CTNNA2: variants seen among roughly 807,000 people sequenced by gnomAD.
CTNNA2 encodes the protein catenin alpha 2.
Under a neutral mutation model 101.0 loss-of-function variants are expected in CTNNA2, and 42 were observed. The ratio of observed to expected loss-of-function variants is 0.42; its 90% CI spans 0.32 to 0.54. CTNNA2 has a LOEUF of 0.54. Among genes scored for constraint, CTNNA2 ranks in the 20% least tolerant of loss-of-function variants. The pLI is 0.14. For missense variants in CTNNA2, 871 were observed against 1,223.1 expected (o/e 0.71, Z 4.29); for synonymous variants, 450 against 456.4 (o/e 0.99, Z 0.18).
intron 4 of CTNNA2, among the ~76,000 whole-genome samples, chr2:79,400,693 G>A (rs1678281157): frequency 6.6e-6 from 1 of 151,866 alleles, no homozygotes; most frequent in African/African-American, 2.4e-5. Context: ...TATTCAGAGT[G>A]CCAGAATGAG....
chr2:79,343,327 A>G (rs1382134273), intron 3 of CTNNA2, among the ~76,000 whole-genome samples: 1 of 152,178 alleles, frequency 6.6e-6, no homozygotes, highest in Non-Finnish European at 1.5e-5. Flanking sequence ...CACAAATAGA[A>G]TATGTGTGGA....
At chr2:79,811,115 A>G (rs575147020) in intron 3 of CTNNA2, among the ~76,000 whole-genome samples, 2,864 of 151,202 alleles carry the variant, frequency 0.019, 83 homozygotes, top group African/African-American at 0.066. Flanking sequence ...TGACTTCCAC[A>G]ATGGTTGAAC....
intron 1 of CTNNA2, among the ~76,000 whole-genome samples, chr2:79,562,974 T>C (rs1452815690): frequency 6.6e-6 from 1 of 151,882 alleles, no homozygotes; most frequent in East Asian, 1.9e-4. Flanking sequence ...TTTTCTAAGA[T>C]AGGAATGTGA....
chr2:80,617,838 G>T (rs910980133), intron 17 of CTNNA2, among the ~76,000 whole-genome samples: 2 of 151,750 alleles, frequency 1.3e-5, no homozygotes, highest in Non-Finnish European at 2.9e-5. Flanking sequence ...CCCAAATTAA[G>T]ATTTTTGTTT....
chr2:79,934,667 C>G (rs570301593), intron 7 of CTNNA2, among the ~76,000 whole-genome samples: 1 of 152,278 alleles, frequency 6.6e-6, no homozygotes, highest in African/African-American at 2.4e-5. Flanking sequence ...AAAGCTGTGT[C>G]CTTGCTCTGC....
rs77353244 is a variant in CTNNA2 at position 79,560,342 on chromosome 2, C to T, written c.-6+47135C>T. Among the ~76,000 whole-genome samples the T allele has an allele frequency of 4.6e-5, 7 of 151,802 alleles. No homozygotes were observed. In the East Asian group the frequency reaches 9.7e-4, roughly 21 times the overall value. ...CCAGGAGAGATTGGGTGTAGCAGCT[C>T]TATTAGGTTGGTGGTGGTCATGGAA... On this transcript the variant is annotated intron_variant, in intron 1 of 18. Coordinates refer to ENST00000402739, the MANE Select transcript of CTNNA2 (RefSeq NM_001282597.3).
At chr2:79,213,813 TGC>T (rs1483358438) in intron 2 of CTNNA2, among the ~76,000 whole-genome samples, 2 of 152,104 alleles carry the variant, frequency 1.3e-5, no homozygotes, top group African/African-American at 4.8e-5. Flanking sequence ...AGAAAGTATA[TGC>T]GTCAGGTATG....
At chr2:79,375,914 T>C (rs1047426971) in intron 4 of CTNNA2, among the ~76,000 whole-genome samples, 1 of 151,940 alleles carries the variant, frequency 6.6e-6, no homozygotes, top group African/African-American at 2.4e-5. Flanking sequence ...TTAAAACGAG[T>C]CTGGCCTGTA....
intron 7 of CTNNA2, among the ~76,000 whole-genome samples, chr2:80,124,573 T>G (rs1702016016): frequency 1.3e-5 from 2 of 152,180 alleles, no homozygotes; most frequent in South Asian, 4.1e-4. Context: ...CTAAATATTT[T>G]CTCGTATATA....
At chr2:80,343,731 G>A (rs1469992466) in intron 7 of CTNNA2, among the ~76,000 whole-genome samples, 1 of 152,160 alleles carries the variant, frequency 6.6e-6, no homozygotes, top group Non-Finnish European at 1.5e-5. Context: ...TACTAAAAAT[G>A]TAAGGAGTGA....
At chr2:79,939,802 C>T (rs1460929959) in intron 7 of CTNNA2, among the ~76,000 whole-genome samples, 1 of 152,174 alleles carries the variant, frequency 6.6e-6, no homozygotes, top group Non-Finnish European at 1.5e-5. Flanking sequence ...CTTAAAAACA[C>T]ATGGACCCGG....
At chr2:80,029,974 TA>T (rs1469690066) in intron 7 of CTNNA2, among the ~76,000 whole-genome samples, 1 of 151,668 alleles carries the variant, frequency 6.6e-6, no homozygotes, top group Admixed American at 6.6e-5. Flanking sequence ...GGGAGGGGCA[TA>T]AAAAAGGAAG....
chr2:79,863,550 A>G (rs115984475), intron 4 of CTNNA2, among the ~76,000 whole-genome samples: 2,387 of 152,324 alleles, frequency 0.016, 59 homozygotes, highest in African/African-American at 0.053. Flanking sequence ...ATTCTGTCCA[A>G]TGATGACAAC....
Position 79,446,231 on chromosome 2 carries a change from G to GA in CTNNA2, c.-134-58813dup, listed in dbSNP as rs144826229. 0.013 allele frequency among the ~76,000 whole-genome samples: 1,849 copies of GA among 147,482 alleles called. 77 individuals are homozygous for GA. In the East Asian group the frequency reaches 0.13, roughly 10 times the overall value. On this transcript the variant is annotated intron_variant, in intron 4 of 21. Coordinates refer to the CTNNA2 transcript ENST00000466387. ...TAGGCTTTGCCCCACAATATTCTAA[G>GA]AAAAAAAAAAGAACTATTTTGTACG...
intron 7 of CTNNA2, among the ~76,000 whole-genome samples, chr2:80,342,500 C>T (rs939530972): frequency 6.6e-6 from 1 of 152,206 alleles, no homozygotes; most frequent in Non-Finnish European, 1.5e-5. Context: ...CAGTCATGGT[C>T]ATCCTGAAAT....
chr2:79,411,267 AT>A (rs1170733684), intron 4 of CTNNA2, among the ~76,000 whole-genome samples: 2 of 151,806 alleles, frequency 1.3e-5, no homozygotes, highest in East Asian at 3.9e-4. Context: ...GGATTCATTA[AT>A]TTTTTGAAGG....
intron 2 of CTNNA2, among the ~76,000 whole-genome samples, chr2:79,287,729 G>A (rs1192679448): frequency 1.3e-5 from 2 of 152,166 alleles, no homozygotes; most frequent in Non-Finnish European, 1.5e-5. Context: ...CCCAGAGGTG[G>A]AGCCTACAGA....
chr2:80,330,499 CTTT>C (rs11338415), intron 7 of CTNNA2, among the ~76,000 whole-genome samples: 2 of 141,226 alleles, frequency 1.4e-5, no homozygotes, highest in Admixed American at 7.1e-5. Context: ...CTACTTTTTT[CTTT>C]TTTTTTTTTT....
chr2:79,458,592 A>C (rs937957300), intron 4 of CTNNA2, among the ~76,000 whole-genome samples: 1 of 152,218 alleles, frequency 6.6e-6, no homozygotes, highest in African/African-American at 2.4e-5. Context: ...GAGCCCATCA[A>C]AAGGCCATTA....
Sources: gnomAD v4.1 joint callset for allele counts (sites outside exome capture counted in the v4.1 genomes callset) on GRCh38, gnomAD v4.1.1 for gene constraint, MANE v1.5 for transcripts, NCBI Gene and HGNC (gene_info 2026-07-23, HGNC 2026-07-21) for gene names.